PRDM2: variants seen among roughly 807,000 people sequenced by gnomAD.
The protein encoded by PRDM2 is PR domain zinc finger protein 2.
Under a neutral mutation model 130.0 loss-of-function variants are expected in PRDM2, and 30 were observed. That is an observed-to-expected ratio of 0.23 (90% CI 0.17 to 0.31). The LOEUF (loss-of-function observed/expected upper bound fraction) is 0.31, where lower values mean the gene tolerates loss of function less well. PRDM2 is among the 10% of genes least tolerant of loss of function. The probability of loss-of-function intolerance (pLI) is 1.00; values close to 1 mark genes in which losing one functional copy is unlikely to be tolerated. For synonymous variants in PRDM2, 871 were observed against 782.4 expected (o/e 1.11, Z -1.89); for missense variants, 2,011 against 2,108.4 (o/e 0.95, Z 0.90).
intron 8 of PRDM2, among the ~76,000 whole-genome samples, chr1:13,796,890 AG>A (rs1644930996): frequency 6.6e-6 from 1 of 152,194 alleles, no homozygotes; most frequent in South Asian, 2.1e-4. Context: ...TTTTCTTTTA[AG>A]CTCCCAAAAC....
rs558783882 is a variant in PRDM2, at chr1:13,742,660, G to A, written c.384+503G>A. 6.6e-5 allele frequency among the ~76,000 whole-genome samples: 10 copies of A among 152,292 alleles called. No individual in the cohort carries two copies. The South Asian group carries it at 1.7e-3, about 25-fold the overall frequency. On this transcript the variant is annotated intron_variant, in intron 5 of 9. Coordinates refer to ENST00000311066, the MANE Select transcript of PRDM2 (RefSeq NM_001393986.1). ...GTCATGGAGCTAAAGCATGAAGATC[G>A]TGTTAAGTAATTACACACTGCATCT...
At chr1:13,760,869 AT>A (rs1276896380) in intron 6 of PRDM2, among the ~76,000 whole-genome samples, 2 of 151,498 alleles carry the variant, frequency 1.3e-5, no homozygotes, top group Non-Finnish European at 3.0e-5. Flanking sequence ...AAAAAAAAAA[AT>A]GAGCAGTTTC....
chr1:13,798,798 C>T (rs1229933201), intron 8 of PRDM2, among the ~76,000 whole-genome samples: 1 of 152,140 alleles, frequency 6.6e-6, no homozygotes, highest in Non-Finnish European at 1.5e-5. Context: ...CCTAGTAGAG[C>T]CTCCCAAAAT....
chr1:13,770,824 A>C (rs977841117), intron 6 of PRDM2, among the ~76,000 whole-genome samples: 1 of 152,240 alleles, frequency 6.6e-6, no homozygotes. Flanking sequence ...TCTGTGGGCT[A>C]CACCAGGAAC....
At chr1:13,757,073 TG>T (rs1643974061) in intron 6 of PRDM2, among the ~76,000 whole-genome samples, 1 of 152,256 alleles carries the variant, frequency 6.6e-6, no homozygotes, top group Non-Finnish European at 1.5e-5. Flanking sequence ...CACTGCTCAC[TG>T]TAAGAAGTGC....
chr1:13,788,072 T>C (rs1644777487), intron 8 of PRDM2: 7 of 976,250 alleles, frequency 7.2e-6, no homozygotes, highest in Non-Finnish European at 6.1e-6. Context: ...TAAAAAACTT[T>C]CTAAACATCT....
At chr1:13,723,781 C>T (rs956896006) in intron 2 of PRDM2, among the ~76,000 whole-genome samples, 7 of 152,220 alleles carry the variant, frequency 4.6e-5, no homozygotes, top group Admixed American at 2.0e-4. Flanking sequence ...ACTGCTCTTA[C>T]AGCCATCTCT....
chr1:13,773,075 C>A lies in PRDM2; in HGVS notation c.512-3C>A. On this transcript the variant is annotated splice_region_variant and splice_polypyrimidine_tract_variant and intron_variant, in intron 6 of 9. Transcript: ENST00000311066. Reference sequence around the variant, plus strand: ...GAATAAATTAAAAAAAATTGTGTTTCAGGGAAGAAAAAATCCCAGGAAAAT... The same window carrying A: ...GAATAAATTAAAAAAAATTGTGTTTAAGGGAAGAAAAAATCCCAGGAAAAT... The A allele has an allele frequency of 2.7e-6, 4 of 1,470,536 alleles. No individual in the cohort carries two copies. The highest frequency in any genetic ancestry group is 2.6e-5 in the Admixed American group (1 of 38,782). The allele number at this position is 1,470,536 out of a possible 1,614,324, so 91.1% of individuals were successfully genotyped here.
Position 13,701,314 on chromosome 1 carries a change from G to GT in PRDM2, c.-66+1017dup, listed in dbSNP as rs544288823. Among the ~76,000 whole-genome samples the GT allele has an allele frequency of 1.4e-4, 22 of 152,256 alleles. No individual in the cohort carries two copies. The South Asian group carries it at 1.7e-3, about 11-fold the overall frequency. On this transcript the variant is annotated intron_variant, in intron 1 of 9. Coordinates refer to ENST00000311066, the MANE Select transcript of PRDM2 (RefSeq NM_001393986.1). ...TTTTACCCCAGAACTCGACTAAAATGTTTAAGTTTTTGTTTACTCCAGGTT... is the reference window on the plus strand; with the variant it reads ...TTTTACCCCAGAACTCGACTAAAATGTTTTAAGTTTTTGTTTACTCCAGGTT...
chr1:13,787,545 C>T (rs1298997475), intron 8 of PRDM2: 2 of 982,154 alleles, frequency 2.0e-6, no homozygotes, highest in Non-Finnish European at 2.4e-6. Context: ...ATTTGTGCCA[C>T]TTTAATCCTT....
chr1:13,780,176 C>T lies in PRDM2; in HGVS notation c.2381C>T (p.Thr794Ile), dbSNP rs772866233. The T allele has an allele frequency of 6.3e-7, 1 of 1,599,948 alleles. No homozygotes were observed. The highest frequency in any genetic ancestry group is 8.5e-7 in the Non-Finnish European group (1 of 1,172,168). ...TTGTCTGGGAGAGATGAGAGAGAAACTGTGAGCCCTCCATGCTTTGATGAA... is the reference window on the plus strand; with the variant it reads ...TTGTCTGGGAGAGATGAGAGAGAAATTGTGAGCCCTCCATGCTTTGATGAA... ...WSLSGRDERE[T>I]VSPPCFDEYK... is the part of the protein sequence containing the mutation. The change falls in exon 8 of 10, where the codon ACT becomes ATT. Residue 794 changes from threonine (T) to isoleucine (I), a missense_variant. Thr to Ile is a moderately conservative substitution (Grantham distance 89, BLOSUM62 -1). Transcript: ENST00000311066.
At chr1:13,787,782 T>C in intron 8 of PRDM2, 1 of 981,376 alleles carries the variant, frequency 1.0e-6, no homozygotes. Flanking sequence ...TATTGCTTCT[T>C]TTTGGAGAGT....
rs999424937 is a variant in PRDM2 at position 13,782,714 on chromosome 1, A to G, written c.4919A>G (p.Lys1640Arg). 1.2e-6 allele frequency: 2 copies of G among 1,613,866 alleles called. No individual in the cohort carries two copies. The highest frequency in any genetic ancestry group is 1.1e-5 in the South Asian group (1 of 91,026). The change falls in exon 8 of 10, where the codon AAA (lysine) becomes AGA (arginine). Residue 1640 changes from lysine to arginine, a missense_variant. Around this residue, in one of 5 missense-constraint regions of PRDM2, gnomAD observed 410 missense variants for 395.9 expected, o/e 1.04. Transcript: ENST00000311066. ...SKKRTDRFNI[K>R]SRERSGGPVT... ...AAAAGAACAGACCGGTTCAATATAA[A>G]ATCTAGAGAGCGGAGTGGGGGGCCA... is the stretch of plus-strand genomic sequence containing the variant.
At chr1:13,802,378 C>T (rs543370652) in intron 8 of PRDM2, among the ~76,000 whole-genome samples, 5 of 152,142 alleles carry the variant, frequency 3.3e-5, no homozygotes, top group Non-Finnish European at 7.3e-5. Flanking sequence ...TCTTGAGCAT[C>T]GAGGCAGGAG....
At position 13,759,992 on chromosome 1, in the gene PRDM2, T is replaced by C. The variant is rs553205093; in HGVS notation, c.511+10505T>C. Among the ~76,000 whole-genome samples, 42 of 152,318 alleles carry C rather than the reference T, an allele frequency of 2.8e-4. 1 individual carries two copies. The highest frequency in any genetic ancestry group is 1.0e-3 in the African/African-American group (42 of 41,560). On this transcript the variant is annotated intron_variant, in intron 6 of 9. Coordinates refer to ENST00000311066, the MANE Select transcript of PRDM2 (RefSeq NM_001393986.1). The stretch of plus-strand genomic sequence containing the variant: ...GGTGTGATCCACAGTGTCCTTCCCT[T>C]GTTAGGTGGGTCATGGGCTTGTTTG...
At chr1:13,756,279 A>G (rs1026762990) in intron 6 of PRDM2, among the ~76,000 whole-genome samples, 1 of 151,354 alleles carries the variant, frequency 6.6e-6, no homozygotes, top group South Asian at 2.1e-4. Flanking sequence ...AAAAAAAAAA[A>G]GAATTGAGGG....
intron 1 of PRDM2, among the ~76,000 whole-genome samples, chr1:13,712,586 C>T (rs1228000836): frequency 6.6e-6 from 1 of 152,072 alleles, no homozygotes; most frequent in African/African-American, 2.4e-5. Context: ...GAAACTCCGT[C>T]TCTACTAAAA....
chr1:13,710,510 T>A (rs1282050897), intron 1 of PRDM2, among the ~76,000 whole-genome samples: 1 of 152,258 alleles, frequency 6.6e-6, no homozygotes, highest in African/African-American at 2.4e-5. Context: ...TAAGTGCATA[T>A]ACTCATGTTA....
chr1:13,764,340 T>C (rs1644174784), intron 6 of PRDM2, among the ~76,000 whole-genome samples: 2 of 152,210 alleles, frequency 1.3e-5, no homozygotes, highest in Non-Finnish European at 2.9e-5. Context: ...TTTTTCAGGC[T>C]ACTAAAAAAA....
Sources: allele counts gnomAD v4.1 joint callset (sites outside exome capture counted in the v4.1 genomes callset), GRCh38; gene constraint gnomAD v4.1.1; regional missense constraint gnomAD v4.1.1; transcripts MANE v1.5; gene names NCBI Gene and HGNC (gene_info 2026-07-23, HGNC 2026-07-21).